The following ITGA3 variants were observed in gnomAD, a reference collection of about 807,000 sequenced individuals.
ITGA3 encodes integrin alpha-3.
Under a neutral mutation model 131.1 loss-of-function variants are expected in ITGA3, and 70 were observed. The observed-to-expected ratio is 0.53, with a 90% CI of 0.44 to 0.65. ITGA3 has a LOEUF of 0.65. ITGA3 is among the 30% of genes least tolerant of loss of function. The pLI is 0.00. For synonymous variants in ITGA3, 537 were observed against 571.6 expected (o/e 0.94, Z 0.86); for missense variants, 1,098 against 1,388.6 (o/e 0.79, Z 3.33).
In ITGA3 at chr17:50,068,076, C is replaced by A. The variant is rs1304782577; in HGVS notation, c.435C>A (p.Thr145=). Residue 145 remains threonine, a synonymous_variant, in exon 4 of 26, where the codon ACC becomes ACA. Transcript: ENST00000320031. ...CCCAGGTCTGTGCCCACCGCTACACCCAGGTGCTGTGGTCAGGGTCAGAAG... is the reference window on the plus strand; with the variant it reads ...CCCAGGTCTGTGCCCACCGCTACACACAGGTGCTGTGGTCAGGGTCAGAAG... The part of the protein sequence containing the change: ...GRVLVCAHRY[T]QVLWSGSEDQ... The A allele has an allele frequency of 6.2e-7, 1 of 1,613,924 alleles. No homozygotes were observed. The highest frequency in any genetic ancestry group is 8.5e-7 in the Non-Finnish European group (1 of 1,180,056).
chr17:50,079,373 C>T, intron 20 of ITGA3, 62 bp from the exon 21 acceptor site: 2 of 1,550,590 alleles, frequency 1.3e-6, no homozygotes, highest in East Asian at 4.5e-5. Flanking sequence ...CCTTTCCTTT[C>T]CTGCAACCCT....
intron 1 of ITGA3, among the ~76,000 whole-genome samples, chr17:50,060,487 G>A (rs1908025755): frequency 6.6e-6 from 1 of 152,192 alleles, no homozygotes; most frequent in Non-Finnish European, 1.5e-5. Context: ...GCTCTGAACT[G>A]CCCCAAGGGG....
chr17:50,090,067 AT>A lies in ITGA3; in HGVS notation c.*990del. 3.0e-6 allele frequency: 1 copy of A among 331,324 alleles called. No individual in the cohort carries two copies. Among genetic ancestry groups the A allele is most frequent in the South Asian group, 2.2e-5 (1 of 44,878 alleles). 20.5% of individuals were successfully genotyped at this position (331,324 alleles called of 1,614,324 possible). ...CAGATGTTGGGAGGATACAGAGGAGATGCCACTTCTCACTCACCACTACCAG... is the reference window on the plus strand; with the variant it reads ...CAGATGTTGGGAGGATACAGAGGAGAGCCACTTCTCACTCACCACTACCAG... On this transcript the variant is annotated 3_prime_UTR_variant, in exon 26 of 26. Coordinates refer to ENST00000320031, the MANE Select transcript of ITGA3 (RefSeq NM_002204.4).
intron 4 of ITGA3, among the ~76,000 whole-genome samples, chr17:50,068,818 AT>A (rs375592845): frequency 0.095 from 11,209 of 117,502 alleles, 532 homozygotes; most frequent in Admixed American, 0.12. Context: ...AGTCTTTTTT[AT>A]TTATTTATTT....
rs1227446084 is a variant in ITGA3 at position 50,079,538 on chromosome 17, C to A, written c.2687C>A (p.Ala896Asp). 1 of 1,556,392 alleles carries A rather than the reference C, an allele frequency of 6.4e-7. No individual in the cohort carries two copies. The change falls in exon 21 of 26, where the codon GCC (alanine) becomes GAC (aspartate). Residue 896 changes from alanine to aspartate, a missense_variant. By Grantham distance (126) the Ala-to-Asp change is moderately radical. Transcript: ENST00000320031. ...GTCACTCTGGCTGCTGCCAAAAAAGCCAAGTCTGAGACTGTGCTGGTGAGT... is the reference window on the plus strand; with the variant it reads ...GTCACTCTGGCTGCTGCCAAAAAAGACAAGTCTGAGACTGTGCTGGTGAGT... ...PPVTLAAAKK[A>D]KSETVLTCAT...
Position 50,075,517 on chromosome 17 carries a change from C to A in ITGA3, c.1528C>A (p.Arg510=), listed in dbSNP as rs1272508106. ...GAGTGCCGGGAACCCCAACTACAGG[C>A]GAAACATCAGTGAGTGCTGGGGTGC... ...NQSAGNPNYR[R]NITLAYTLEA... The change falls in exon 11 of 26, where the codon CGA becomes AGA. Residue 510 remains arginine (R), a synonymous_variant. Transcript: ENST00000320031. The A allele has an allele frequency of 3.1e-6, 5 of 1,614,230 alleles. No homozygotes were observed. Among genetic ancestry groups the A allele is most frequent in the Non-Finnish European group, 4.2e-6 (5 of 1,180,046 alleles).
chr17:50,084,603 G>C (rs1199313576), intron 23 of ITGA3, among the ~76,000 whole-genome samples: 1 of 152,064 alleles, frequency 6.6e-6, no homozygotes, highest in Non-Finnish European at 1.5e-5. Context: ...GACGTGAAAA[G>C]ATGATGATAT....
At chr17:50,087,119 T>G (rs1909486183) in intron 23 of ITGA3, 1 of 151,960 alleles carries the variant, frequency 6.6e-6, no homozygotes, top group Non-Finnish European at 1.5e-5. Flanking sequence ...CTTTGTGGGG[T>G]TTTTTTGGTG....
In ITGA3 at chr17:50,081,343, G is replaced by T; in HGVS notation, c.2854G>T (p.Gly952Cys). Residue 952 changes from glycine to cysteine, a missense_variant, in exon 23 of 26, where the codon GGC becomes TGC. Physicochemically the swap from Gly to Cys is radical, Grantham distance 159. Coordinates refer to ENST00000320031, the MANE Select transcript of ITGA3 (RefSeq NM_002204.4). ...AGACTTTGACCGAGTCCGGGTAAAT[G>T]GCTGGGCTACCCTATTCCTCCGAAC... The part of the protein sequence containing the change: ...YRDFDRVRVN[G>C]WATLFLRTSI... 3.1e-6 allele frequency: 5 copies of T among 1,593,614 alleles called. No individual in the cohort carries two copies. The highest frequency in any genetic ancestry group is 4.3e-6 in the Non-Finnish European group (5 of 1,168,624).
chr17:50,060,335 G>A (rs1240623238), intron 1 of ITGA3, among the ~76,000 whole-genome samples: 2 of 152,214 alleles, frequency 1.3e-5, no homozygotes, highest in African/African-American at 4.8e-5. Flanking sequence ...CTTACAGGCT[G>A]CTTCTCTGAG....
At chr17:50,060,875 A>C (rs747757022) in intron 1 of ITGA3, among the ~76,000 whole-genome samples, 2 of 152,218 alleles carry the variant, frequency 1.3e-5, no homozygotes, top group Non-Finnish European at 2.9e-5. Context: ...GGTGGCTGGC[A>C]GAATTGCTCA....
chr17:50,079,198 T>C lies in ITGA3; in HGVS notation c.2523T>C (p.Asn841=). 1 of 1,614,038 alleles carries C rather than the reference T, an allele frequency of 6.2e-7. No homozygotes were observed. Among genetic ancestry groups the C allele is most frequent in the Non-Finnish European group, 8.5e-7 (1 of 1,179,960 alleles). Residue 841 remains asparagine (N), a synonymous_variant, in exon 20 of 26, where the codon AAT becomes AAC. Coordinates refer to ENST00000320031, the MANE Select transcript of ITGA3 (RefSeq NM_002204.4). The part of the protein sequence containing the change: ...LYPTEITVHG[N]GSWPCRPPGD... ...CCACGGAGATCACCGTCCATGGCAATGGGTCCTGGCCCTGCCGACCACCTG... is the reference window on the plus strand; with the variant it reads ...CCACGGAGATCACCGTCCATGGCAACGGGTCCTGGCCCTGCCGACCACCTG...
chr17:50,076,387 G>C lies in ITGA3; in HGVS notation c.1736G>C (p.Arg579Pro), dbSNP rs1052858622. 1.2e-6 allele frequency: 2 copies of C among 1,613,200 alleles called. No individual in the cohort carries two copies. The highest frequency in any genetic ancestry group is 1.7e-6 in the Non-Finnish European group (2 of 1,180,002). Reference protein sequence around the residue: ...IISMNYSLPLRMPDRPRLGLR... With the variant: ...IISMNYSLPLPMPDRPRLGLR... Reference sequence around the variant, plus strand: ...TCCATGAACTACTCTTTACCTTTGCGGATGCCCGATCGCCCCCGGCTGGGG... The same window carrying C: ...TCCATGAACTACTCTTTACCTTTGCCGATGCCCGATCGCCCCCGGCTGGGG... The change falls in exon 13 of 26, where the codon CGG (arginine) becomes CCG (proline). Residue 579 changes from arginine (R) to proline (P), a missense_variant. Arg to Pro is a moderately radical substitution (Grantham distance 103). Transcript: ENST00000320031.
Position 50,077,418 on chromosome 17 carries a change from C to A in ITGA3, c.2110C>A (p.Leu704Met). The part of the protein sequence containing the change: ...CQANETIFCE[L>M]GNPFKRNQRM... ...AGCTAATGAGACCATCTTTTGCGAGCTGGGGAACCCCTTCAAACGGAACCA... is the reference window on the plus strand; with the variant it reads ...AGCTAATGAGACCATCTTTTGCGAGATGGGGAACCCCTTCAAACGGAACCA... Residue 704 changes from leucine (L) to methionine (M), a missense_variant, in exon 16 of 26, where the codon CTG becomes ATG. Leu to Met is a conservative substitution (Grantham distance 15, BLOSUM62 2). Coordinates refer to ENST00000320031, the MANE Select transcript of ITGA3 (RefSeq NM_002204.4). 2 of 1,614,030 alleles carry A rather than the reference C, an allele frequency of 1.2e-6. No homozygotes were observed. The highest frequency in any genetic ancestry group is 1.7e-6 in the Non-Finnish European group (2 of 1,179,890).
chr17:50,061,587 G>A (rs1421195142), intron 1 of ITGA3, among the ~76,000 whole-genome samples: 1 of 152,138 alleles, frequency 6.6e-6, no homozygotes, highest in Non-Finnish European at 1.5e-5. Flanking sequence ...CCGCTGTAGA[G>A]TGACTCTAGC....
At chr17:50,077,908 G>C (rs918387179) in intron 16 of ITGA3, 138 bp from the exon 17 acceptor site, 1 of 662,388 alleles carries the variant, frequency 1.5e-6, no homozygotes, top group Non-Finnish European at 2.6e-6. Context: ...TGGGGAGGTA[G>C]AGACCCCTCA....
Position 50,074,552 on chromosome 17 carries a change from A to C in ITGA3, c.1469+18A>C. The stretch of plus-strand genomic sequence containing the variant: ...ACCTCTTGGTGAGATTGTTCTGCCC[A>C]CCTACTCCTCATTTATTTATAGGGA... On this transcript the variant is annotated intron_variant, in intron 10 of 25. Coordinates refer to ENST00000320031, the MANE Select transcript of ITGA3 (RefSeq NM_002204.4). 6.4e-7 allele frequency: 1 copy of C among 1,559,332 alleles called. No homozygotes were observed. Among genetic ancestry groups the C allele is most frequent in the South Asian group, 1.1e-5 (1 of 89,996 alleles).
intron 3 of ITGA3, among the ~76,000 whole-genome samples, chr17:50,067,602 T>C (rs1908400197): frequency 1.3e-5 from 2 of 152,232 alleles, no homozygotes; most frequent in Non-Finnish European, 2.9e-5. Context: ...GAATTGTGCC[T>C]GGCATATAGG....
chr17:50,058,063 A>G (rs1046370323), intron 1 of ITGA3, among the ~76,000 whole-genome samples: 1 of 152,256 alleles, frequency 6.6e-6, no homozygotes, highest in Middle Eastern at 3.2e-3. Flanking sequence ...CAGACTTTCA[A>G]TGCCAAATCT....
Sources: allele counts gnomAD v4.1 joint callset (sites outside exome capture counted in the v4.1 genomes callset), GRCh38; gene constraint gnomAD v4.1.1; transcripts MANE v1.5; gene names NCBI Gene and HGNC (gene_info 2026-07-23, HGNC 2026-07-21).